GHR: variants seen among roughly 807,000 people sequenced by gnomAD.
GHR encodes the protein GH receptor.
A neutral mutation model predicts 67.1 loss-of-function variants in GHR; 35 were observed. The observed-to-expected ratio is 0.52, with a 90% CI of 0.40 to 0.69. The LOEUF (loss-of-function observed/expected upper bound fraction) is 0.69. Among genes scored for constraint, GHR ranks in the 30% least tolerant of loss-of-function variants. The pLI is 0.00. For missense variants in GHR, 792 were observed against 764.6 expected (o/e 1.04, Z -0.42); for synonymous variants, 272 against 269.1 (o/e 1.01, Z -0.10).
At chr5:42,561,850 C>T (rs1183358428) in intron 1 of GHR, among the ~76,000 whole-genome samples, 1 of 152,122 alleles carries the variant, frequency 6.6e-6, no homozygotes, top group Non-Finnish European at 1.5e-5. Flanking sequence ...GCTTAAAAAA[C>T]CCAGTGGGCT....
At chr5:42,520,788 C>G (rs1216314788) in intron 1 of GHR, among the ~76,000 whole-genome samples, 2 of 152,094 alleles carry the variant, frequency 1.3e-5, no homozygotes, top group Non-Finnish European at 2.9e-5. Flanking sequence ...AGTCCCTGTC[C>G]CCTTGCCCGG....
At chr5:42,462,057 T>A (rs1319811464) in intron 1 of GHR, among the ~76,000 whole-genome samples, 1 of 152,226 alleles carries the variant, frequency 6.6e-6, no homozygotes. Context: ...ATAAGCAAGT[T>A]ATCATGAAAC....
chr5:42,601,529 G>A (rs1752376927), intron 2 of GHR, among the ~76,000 whole-genome samples: 1 of 152,094 alleles, frequency 6.6e-6, no homozygotes, highest in African/African-American at 2.4e-5. Flanking sequence ...ATTTTTCTAA[G>A]TGGTTCTGAA....
chr5:42,459,552 C>A (rs184384982), intron 1 of GHR, among the ~76,000 whole-genome samples: 40 of 152,226 alleles, frequency 2.6e-4, no homozygotes, highest in African/African-American at 9.4e-4. Flanking sequence ...TAACAAACTA[C>A]CTATCAGATA....
intron 1 of GHR, among the ~76,000 whole-genome samples, chr5:42,452,326 C>G (rs569155416): frequency 6.6e-6 from 1 of 152,072 alleles, no homozygotes; most frequent in Non-Finnish European, 1.5e-5. Flanking sequence ...TCTCACAGCT[C>G]TTGATTTTTT....
chr5:42,598,475 C>T (rs559802978), intron 2 of GHR, among the ~76,000 whole-genome samples: 16 of 152,300 alleles, frequency 1.1e-4, no homozygotes, highest in African/African-American at 3.8e-4. Context: ...TTTCCTCTTG[C>T]CTCCTATTTC....
At chr5:42,687,010 C>G (rs1757188157) in intron 3 of GHR, among the ~76,000 whole-genome samples, 1 of 152,180 alleles carries the variant, frequency 6.6e-6, no homozygotes, top group Non-Finnish European at 1.5e-5. Flanking sequence ...GTGCAAAAAT[C>G]ACAAGCATTC....
At chr5:42,526,728 A>C (rs1398904018) in intron 1 of GHR, among the ~76,000 whole-genome samples, 3 of 152,206 alleles carry the variant, frequency 2.0e-5, no homozygotes, top group Non-Finnish European at 4.4e-5. Context: ...CAGGAAATAC[A>C]GAGAACCCCT....
intron 1 of GHR, among the ~76,000 whole-genome samples, chr5:42,478,943 G>A (rs1359458148): frequency 6.6e-6 from 1 of 152,166 alleles, no homozygotes; most frequent in Non-Finnish European, 1.5e-5. Context: ...TGGTGAGAAA[G>A]GGCATCCCTG....
At chr5:42,470,153 T>A (rs1276756955) in intron 1 of GHR, among the ~76,000 whole-genome samples, 1 of 96,606 alleles carries the variant, frequency 1.0e-5, no homozygotes, top group Non-Finnish European at 2.1e-5. Flanking sequence ...ATACTATATA[T>A]TATAATATAT....
chr5:42,573,475 C>T (rs1424133773), intron 2 of GHR, among the ~76,000 whole-genome samples: 1 of 152,106 alleles, frequency 6.6e-6, no homozygotes, highest in East Asian at 1.9e-4. Context: ...ACTCCGAACC[C>T]CATGCACCAG....
At chr5:42,698,925 C>T (rs888617251) in intron 5 of GHR, among the ~76,000 whole-genome samples, 2 of 152,180 alleles carry the variant, frequency 1.3e-5, no homozygotes, top group African/African-American at 4.8e-5. Flanking sequence ...CTTCATCAGC[C>T]TCTGAGAAAT....
rs753358684 is a variant in GHR at position 42,719,036 on chromosome 5, G to A, written c.1529G>A (p.Gly510Glu). 34 of 1,608,224 alleles carry A rather than the reference G, an allele frequency of 2.1e-5. No individual in the cohort carries two copies. The highest frequency in any genetic ancestry group is 3.3e-5 in the Admixed American group (2 of 59,792). The change falls in exon 10 of 10, where the codon GGG becomes GAG. Residue 510 changes from glycine to glutamate, a missense_variant. Physicochemically the swap from Gly to Glu is moderately conservative, Grantham distance 98. Transcript: ENST00000230882. ...VLSPGQKNKA[G>E]MSQCDMHPEM... Reference sequence around the variant, plus strand: ...TCCCCGGGCCAAAAGAATAAGGCAGGGATGTCCCAATGTGACATGCACCCG... The same window carrying A: ...TCCCCGGGCCAAAAGAATAAGGCAGAGATGTCCCAATGTGACATGCACCCG...
intron 3 of GHR, among the ~76,000 whole-genome samples, chr5:42,673,128 G>A (rs4866943): frequency 0.85 from 128,769 of 152,144 alleles, 54,642 homozygotes; most frequent in East Asian, 1. Flanking sequence ...TCAAAAGAAG[G>A]CATATAAACA....
intron 2 of GHR, among the ~76,000 whole-genome samples, chr5:42,610,667 A>C (rs556904183): frequency 7.6e-6 from 1 of 132,340 alleles, no homozygotes; most frequent in Non-Finnish European, 1.7e-5. Context: ...ATCCCAGTGG[A>C]AAAAAAAAAA....
chr5:42,668,154 A>G (rs1756090871), intron 3 of GHR, among the ~76,000 whole-genome samples: 1 of 152,206 alleles, frequency 6.6e-6, no homozygotes, highest in Non-Finnish European at 1.5e-5. Context: ...ATCATCTCAA[A>G]AAATATCCAA....
intron 1 of GHR, among the ~76,000 whole-genome samples, chr5:42,506,273 CT>C (rs1423430766): frequency 6.6e-6 from 1 of 152,084 alleles, no homozygotes; most frequent in African/African-American, 2.4e-5. Flanking sequence ...CCCAAAAGCC[CT>C]TTCTAAGTGA....
intron 1 of GHR, among the ~76,000 whole-genome samples, chr5:42,565,155 T>G (rs1177622226): frequency 6.6e-6 from 1 of 152,206 alleles, no homozygotes; most frequent in Non-Finnish European, 1.5e-5. Flanking sequence ...TCTAAATGGC[T>G]AGCAAAGCCA....
intron 3 of GHR, among the ~76,000 whole-genome samples, chr5:42,650,349 C>A (rs538015540): frequency 6.6e-6 from 1 of 152,026 alleles, no homozygotes; most frequent in African/African-American, 2.4e-5. Context: ...AATGCTAGTA[C>A]CAACCAGTTC....
Sources: gnomAD v4.1 joint callset for allele counts (sites outside exome capture counted in the v4.1 genomes callset) on GRCh38, gnomAD v4.1.1 for gene constraint, MANE v1.5 for transcripts, NCBI Gene and HGNC (gene_info 2026-07-23, HGNC 2026-07-21) for gene names.